Variants in CD83 observed in about 807,000 individuals in gnomAD.
CD83 encodes the protein CD83 molecule.
A neutral mutation model predicts 24.6 loss-of-function variants in CD83; 22 were observed. That is an observed-to-expected ratio of 0.90 (90% CI 0.64 to 1.28). The LOEUF is 1.28. Ranked by LOEUF, CD83 falls within the 50% of genes most tolerant of loss-of-function variation. The pLI is 0.00. For synonymous variants in CD83, 101 were observed against 103.5 expected, an observed-to-expected ratio of 0.98 and a Z score of 0.14; for missense variants, 253 against 252.8, an observed-to-expected ratio of 1.00 and a Z score of -0.01.
chr6:14,125,091 A>G (rs955343215), intron 2 of CD83, among the ~76,000 whole-genome samples: 1 of 152,212 alleles, frequency 6.6e-6, no homozygotes, highest in Non-Finnish European at 1.5e-5. Flanking sequence ...AAGGCACAGA[A>G]CAGATTCTCC....
At chr6:14,134,562 T>C (rs1217301122) in intron 4 of CD83, among the ~76,000 whole-genome samples, 2 of 152,338 alleles carry the variant, frequency 1.3e-5, no homozygotes, top group African/African-American at 2.4e-5. Context: ...TTCTTGCCAC[T>C]CACTGTGTCC....
rs58361945 is a variant in CD83, at chr6:14,129,833, CTGTGTGTG to C, written c.154-1663_154-1656del. ...GAATTAATAAATGAAGCAGAAATGA[CTGTGTGTG>C]TGTGTGTGTGTGTGTGTGTGTGTAT... On this transcript the variant is annotated intron_variant, in intron 2 of 4. Coordinates refer to ENST00000379153, the MANE Select transcript of CD83 (RefSeq NM_004233.4). The surrounding 1 kb of genome is among the most constrained non-coding windows in gnomAD (Gnocchi z 4.3). Among the ~76,000 whole-genome samples the C allele has an allele frequency of 1.8e-4, 27 of 147,792 alleles. No homozygotes were observed. The highest frequency in any genetic ancestry group is 1.0e-3 in the East Asian group (5 of 5,000).
At chr6:14,131,985 A>T (rs564727780) in intron 3 of CD83, among the ~76,000 whole-genome samples, 2 of 152,316 alleles carry the variant, frequency 1.3e-5, no homozygotes, top group South Asian at 4.1e-4. Context: ...AATGATAAAA[A>T]TGTGGTCACA....
intron 4 of CD83, 67 bp from the exon 5 acceptor site, chr6:14,135,041 T>A: frequency 1.3e-6 from 2 of 1,540,326 alleles, no homozygotes; most frequent in South Asian, 2.3e-5. Flanking sequence ...GAATAGAGTT[T>A]AAAAGGAGGT....
chr6:14,121,214 A>G (rs1253491578), intron 2 of CD83, among the ~76,000 whole-genome samples: 4 of 152,064 alleles, frequency 2.6e-5, no homozygotes, highest in African/African-American at 9.7e-5. Flanking sequence ...CTGTTTCCCA[A>G]GCTGGAGTAC....
rs1490685612 is a variant in CD83, at chr6:14,135,653, T to C, written c.*417T>C. 6.2e-6 allele frequency: 1 copy of C among 161,138 alleles called. No homozygotes were observed. The highest frequency in any genetic ancestry group is 2.4e-5 in the African/African-American group (1 of 41,724). The allele number at this position is 161,138 out of a possible 1,614,324, so 10.0% of individuals were successfully genotyped here. A position where few individuals can be genotyped will look rare whatever the true frequency, so the allele number is the denominator to read the frequency against. On this transcript the variant is annotated 3_prime_UTR_variant, in exon 5 of 5. Transcript: ENST00000379153. ...GGACATCTCTTTGAATTTTCTGTGT[T>C]TTGCTGTACCAGCCCAGATGTTTTA...
chr6:14,132,242 T>C (rs1454284863), intron 3 of CD83, among the ~76,000 whole-genome samples: 1 of 152,224 alleles, frequency 6.6e-6, no homozygotes, highest in Non-Finnish European at 1.5e-5. Flanking sequence ...ATTGATTTAC[T>C]GTCTGTCTCC....
In CD83 at chr6:14,117,885, C is replaced by T; in HGVS notation, c.37+37C>T. ...GAGCGCCTGTCTCGCCTGTCGCCCCCCGCCCCTCCACGACACCCCCTCCCG... is the reference window on the plus strand; with the variant it reads ...GAGCGCCTGTCTCGCCTGTCGCCCCTCGCCCCTCCACGACACCCCCTCCCG... On this transcript the variant is annotated intron_variant, in intron 1 of 4. Coordinates refer to ENST00000379153, the MANE Select transcript of CD83 (RefSeq NM_004233.4). The surrounding 1 kb of genome is among the most constrained non-coding windows in gnomAD (Gnocchi z 4.6). 1 of 1,579,634 alleles carries T rather than the reference C, an allele frequency of 6.3e-7. No individual in the cohort carries two copies. Among genetic ancestry groups the T allele is most frequent in the Non-Finnish European group, 8.6e-7 (1 of 1,168,442 alleles).
intron 2 of CD83, among the ~76,000 whole-genome samples, chr6:14,122,007 C>T (rs1759682051): frequency 6.6e-6 from 1 of 151,998 alleles, no homozygotes; most frequent in Non-Finnish European, 1.5e-5. Context: ...TGATGCAAAA[C>T]GAAAGAGGAT....
rs1440144033 is a variant in CD83 at position 14,136,838 on chromosome 6, A to T, written c.*1602A>T. The T allele has an allele frequency of 6.6e-6, 1 of 152,230 alleles. No homozygotes were observed. The highest frequency in any genetic ancestry group is 1.5e-5 in the Non-Finnish European group (1 of 68,054). 9.4% of individuals were successfully genotyped at this position (152,230 alleles called of 1,614,324 possible). A position where few individuals can be genotyped will look rare whatever the true frequency, so the allele number is the denominator to read the frequency against. ...AACAAACCTGCACTTATACCCATGA[A>T]CTTAAAATGAAAGTTAAAAATAAAA... On this transcript the variant is annotated 3_prime_UTR_variant, in exon 5 of 5. Transcript: ENST00000379153.
intron 2 of CD83, among the ~76,000 whole-genome samples, chr6:14,127,889 T>G (rs1759857115): frequency 6.6e-6 from 1 of 152,210 alleles, no homozygotes; most frequent in South Asian, 2.1e-4. Context: ...GAGTAATTAA[T>G]TTGCTGAAAT....
rs758657694 is a variant in CD83, at chr6:14,133,708, C to T, written c.442C>T (p.Leu148=). 16 of 1,613,628 alleles carry T rather than the reference C, an allele frequency of 9.9e-6. No homozygotes were observed. The East Asian group carries it at 3.3e-4, about 34-fold the overall frequency. Residue 148 remains leucine, a synonymous_variant, in exon 4 of 5, where the codon CTG becomes TTG. Transcript: ENST00000379153. ...FKKYRAEIVL[L]LALVIFYLTL... Reference sequence around the variant, plus strand: ...GAAATACAGAGCGGAGATTGTCCTGCTGCTGGCTCTGGTTATTTTCTACTT... The same window carrying T: ...GAAATACAGAGCGGAGATTGTCCTGTTGCTGGCTCTGGTTATTTTCTACTT...
chr6:14,131,550 A>G lies in CD83; in HGVS notation c.184A>G (p.Thr62Ala). The G allele has an allele frequency of 1.9e-6, 3 of 1,614,036 alleles. No individual in the cohort carries two copies. In the South Asian group the frequency reaches 3.3e-5, roughly 18 times the overall value. Reference sequence around the variant, plus strand: ...GGAGGGTGGTGAAGAGAGGATGGAGACACCCCAGGAAGACCACCTCAGGGG... The same window carrying G: ...GGAGGGTGGTGAAGAGAGGATGGAGGCACCCCAGGAAGACCACCTCAGGGG... ...LLEGGEERME[T>A]PQEDHLRGQH... Residue 62 changes from threonine to alanine, a missense_variant, in exon 3 of 5, where the codon ACA becomes GCA. Physicochemically the swap from Thr to Ala is moderately conservative, Grantham distance 58. Transcript: ENST00000379153.
At position 14,127,502 on chromosome 6, in the gene CD83, T is replaced by C. The variant is rs114436611; in HGVS notation, c.154-4018T>C. Among the ~76,000 whole-genome samples, 549 of 152,248 alleles carry C rather than the reference T, an allele frequency of 3.6e-3. 1 individual carries two copies. Among genetic ancestry groups the C allele is most frequent in the African/African-American group, 0.013 (521 of 41,544 alleles). On this transcript the variant is annotated intron_variant, in intron 2 of 4. Coordinates refer to ENST00000379153, the MANE Select transcript of CD83 (RefSeq NM_004233.4). ...ATATTGGTTCAGTTTCAGCCATAAT[T>C]AATGATTTATTTTATGTCTTTTGTT...
intron 2 of CD83, among the ~76,000 whole-genome samples, 180 bp downstream of exon 2, chr6:14,118,245 G>A (rs1177280317): frequency 6.6e-6 from 1 of 152,268 alleles, no homozygotes; most frequent in East Asian, 1.9e-4. Flanking sequence ...CCGCATCCAG[G>A]TACAGGGCCG....
At chr6:14,121,229 G>T (rs1759661574) in intron 2 of CD83, among the ~76,000 whole-genome samples, 1 of 152,012 alleles carries the variant, frequency 6.6e-6, no homozygotes, top group African/African-American at 2.4e-5. Flanking sequence ...GAGTACAGTG[G>T]CATGAAGATG....
chr6:14,126,203 G>A (rs1319572496), intron 2 of CD83, among the ~76,000 whole-genome samples: 3 of 152,050 alleles, frequency 2.0e-5, no homozygotes, highest in African/African-American at 7.3e-5. Context: ...TAAAATTCAC[G>A]CATTCATTCA....
chr6:14,124,362 G>A lies in CD83; in HGVS notation c.153+6297G>A, dbSNP rs530420607. On this transcript the variant is annotated intron_variant, in intron 2 of 4. Transcript: ENST00000379153. ...TATTACCGATAGAATTGAGGTTACC[G>A]ATTCTAGAAGAGCTGGTAGCTGCCT... Among the ~76,000 whole-genome samples the A allele has an allele frequency of 1.2e-4, 18 of 152,316 alleles. No individual in the cohort carries two copies. The East Asian group carries it at 3.5e-3, about 29-fold the overall frequency.
intron 2 of CD83, among the ~76,000 whole-genome samples, chr6:14,120,197 A>G (rs1247090886): frequency 1.3e-5 from 2 of 152,156 alleles, no homozygotes; most frequent in Non-Finnish European, 2.9e-5. Flanking sequence ...ATACCAATAA[A>G]CGAATCAGGT....
Sources: gnomAD v4.1 joint callset for allele counts (sites outside exome capture counted in the v4.1 genomes callset) on GRCh38, gnomAD v4.1.1 for gene constraint, Gnocchi (gnomAD v3.1) non-coding constraint, MANE v1.5 for transcripts, NCBI Gene and HGNC (gene_info 2026-07-23, HGNC 2026-07-21) for gene names.